PEPD: variants seen among roughly 807,000 people sequenced by gnomAD.
PEPD encodes the protein peptidase D, also known as xaa-Pro dipeptidase.
In PEPD, 53 loss-of-function variants were observed where a neutral mutation model predicts 60.7. The ratio of observed to expected loss-of-function variants is 0.87; its 90% CI spans 0.70 to 1.10. The LOEUF (loss-of-function observed/expected upper bound fraction) is 1.10. Ranked by LOEUF, PEPD falls within the 50% of genes least tolerant of loss-of-function variation. The pLI, the probability that PEPD is intolerant of heterozygous loss-of-function variation, is 0.00. For missense variants in PEPD, 711 were observed against 711.9 expected (o/e 1.00, Z 0.01); for synonymous variants, 267 against 284.1 (o/e 0.94, Z 0.60).
At chr19:33,513,826 G>A (rs1049503108) in intron 1 of PEPD, among the ~76,000 whole-genome samples, 2 of 97,772 alleles carry the variant, frequency 2.0e-5, no homozygotes, top group South Asian at 3.6e-4. Flanking sequence ...CCGCTGCGGC[G>A]CCCTGTGGGG....
At chr19:33,505,902 CCA>C (rs1297916267) in intron 3 of PEPD, among the ~76,000 whole-genome samples, 7 of 132,862 alleles carry the variant, frequency 5.3e-5, no homozygotes, top group Non-Finnish European at 1.0e-4. Flanking sequence ...ACTTACACAC[CCA>C]CACATACCCT....
chr19:33,389,801 G>A (rs571932358), intron 13 of PEPD, among the ~76,000 whole-genome samples: 2 of 152,404 alleles, frequency 1.3e-5, no homozygotes, highest in East Asian at 1.9e-4. Context: ...CACAGGGCAA[G>A]GCCTGCCTCA....
intron 11 of PEPD, among the ~76,000 whole-genome samples, chr19:33,411,430 G>A (rs1378236938): frequency 1.3e-5 from 2 of 152,264 alleles, no homozygotes; most frequent in South Asian, 2.1e-4. Flanking sequence ...GGAAACCATC[G>A]GGGGCCCCTC....
At chr19:33,514,451 G>A (rs998007384) in intron 1 of PEPD, among the ~76,000 whole-genome samples, 2 of 151,854 alleles carry the variant, frequency 1.3e-5, no homozygotes, top group African/African-American at 2.4e-5. Context: ...GACCTTTTCC[G>A]GATGGTCTTC....
intron 7 of PEPD, among the ~76,000 whole-genome samples, chr19:33,474,070 G>A (rs954916050): frequency 2.0e-5 from 3 of 152,220 alleles, no homozygotes; most frequent in Admixed American, 6.5e-5. Flanking sequence ...AAGCTGGGGT[G>A]CATGTGGGTG....
rs528634868 is a variant in PEPD, at chr19:33,468,802, G to A, written c.549-4740C>T. On this transcript the variant is annotated intron_variant, in intron 7 of 14. Coordinates refer to ENST00000244137, the MANE Select transcript of PEPD (RefSeq NM_000285.4). The stretch of plus-strand genomic sequence containing the variant: ...TCGAATGAACGCCCTTTCTCTCGGC[G>A]GAGGCAGCCCTAAAGCCTGACAGCA... 5.9e-5 allele frequency among the ~76,000 whole-genome samples: 9 copies of A among 152,312 alleles called. No individual in the cohort carries two copies. The South Asian group carries it at 1.7e-3, about 28-fold the overall frequency.
rs189301323 is a variant in PEPD at position 33,407,501 on chromosome 19, G to C, written c.818+4171C>G. Among the ~76,000 whole-genome samples, 214 of 152,324 alleles carry C rather than the reference G, an allele frequency of 1.4e-3. 2 individuals are homozygous for C. Among genetic ancestry groups the C allele is most frequent in the African/African-American group, 2.1e-3 (89 of 41,578 alleles). On this transcript the variant is annotated intron_variant, in intron 11 of 14. Transcript: ENST00000244137. ...CCTCTGTGCTCACACAAACCTGTTC[G>C]GGGCTGGAGTGAGTGGGGAGGGGTC...
At chr19:33,477,283 C>G (rs901410508) in intron 7 of PEPD, 3 of 152,986 alleles carry the variant, frequency 2.0e-5, no homozygotes, top group Non-Finnish European at 4.4e-5. Flanking sequence ...TAAGACGAGG[C>G]GAGTCAGAGC....
chr19:33,399,454 G>A (rs577799074), intron 12 of PEPD, among the ~76,000 whole-genome samples: 83 of 152,324 alleles, frequency 5.4e-4, no homozygotes, highest in African/African-American at 1.9e-3. Context: ...GCACTCATGC[G>A]TTTGTCAAGC....
intron 4 of PEPD, among the ~76,000 whole-genome samples, chr19:33,495,092 C>T (rs928620232): frequency 6.1e-5 from 9 of 148,520 alleles, no homozygotes; most frequent in Non-Finnish European, 8.9e-5. Context: ...GCCAAGACTG[C>T]GCCACTGCAC....
chr19:33,508,617 C>G (rs951162185), intron 3 of PEPD, among the ~76,000 whole-genome samples: 1 of 152,188 alleles, frequency 6.6e-6, no homozygotes, highest in Non-Finnish European at 1.5e-5. Context: ...CGGCTGGGGT[C>G]CCCCTATGGG....
At position 33,504,230 on chromosome 19, in the gene PEPD, C is replaced by T. The variant is rs1367949412; in HGVS notation, c.330-3229G>A. Reference sequence around the variant, plus strand: ...CAGACTCCCACGTCAAACCAGCCACCGAAGGCTTGGCAGCCATGATTTGGT... The same window carrying T: ...CAGACTCCCACGTCAAACCAGCCACTGAAGGCTTGGCAGCCATGATTTGGT... On this transcript the variant is annotated intron_variant, in intron 3 of 14. Transcript: ENST00000244137. Among the ~76,000 whole-genome samples, 7 of 152,372 alleles carry T rather than the reference C, an allele frequency of 4.6e-5. No individual in the cohort carries two copies. The East Asian group carries it at 5.8e-4, about 13-fold the overall frequency.
intron 1 of PEPD, among the ~76,000 whole-genome samples, chr19:33,520,805 C>T (rs1282350861): frequency 1.3e-5 from 2 of 151,100 alleles, no homozygotes; most frequent in Non-Finnish European, 3.0e-5. Context: ...CACTGTACCA[C>T]CAGACCCACA....
At chr19:33,454,186 G>C (rs1164695889) in intron 9 of PEPD, among the ~76,000 whole-genome samples, 2 of 152,208 alleles carry the variant, frequency 1.3e-5, no homozygotes, top group African/African-American at 4.8e-5. Flanking sequence ...ATGACGGGGT[G>C]CATCAGAAAG....
chr19:33,409,143 C>G (rs745886298), intron 11 of PEPD, among the ~76,000 whole-genome samples: 13 of 152,238 alleles, frequency 8.5e-5, no homozygotes, highest in Non-Finnish European at 1.8e-4. Context: ...AGGACCCTCT[C>G]CGGGGCAGAT....
At chr19:33,407,793 G>A (rs923832286) in intron 11 of PEPD, among the ~76,000 whole-genome samples, 3 of 152,330 alleles carry the variant, frequency 2.0e-5, no homozygotes, top group Admixed American at 1.3e-4. Context: ...GAGGCTTGAC[G>A]GCTACAGGCC....
intron 6 of PEPD, among the ~76,000 whole-genome samples, chr19:33,489,466 T>C (rs1477080595): frequency 6.6e-6 from 1 of 152,050 alleles, no homozygotes; most frequent in Non-Finnish European, 1.5e-5. Flanking sequence ...CCATCTCTAC[T>C]GAAAATACAA....
rs187473094 is a variant in PEPD at position 33,477,422 on chromosome 19, C to T, written c.548+624G>A. The T allele has an allele frequency of 1.5e-4, 25 of 165,260 alleles. No individual in the cohort carries two copies. In the South Asian group the frequency reaches 3.2e-3, roughly 21 times the overall value. 10.2% of individuals were successfully genotyped at this position (165,260 alleles called of 1,614,324 possible). On this transcript the variant is annotated intron_variant, in intron 7 of 14. Coordinates refer to ENST00000244137, the MANE Select transcript of PEPD (RefSeq NM_000285.4). The stretch of plus-strand genomic sequence containing the variant: ...TTGCCTCTCTTCTACATTCTCAGTA[C>T]GTGCAGCCATCCATCAAAGAAAAAA...
Position 33,411,721 on chromosome 19 carries a change from C to G in PEPD, c.769G>C (p.Gly257Arg), listed in dbSNP as rs755947485. Residue 257 changes from glycine (G) to arginine (R), a missense_variant, in exon 11 of 15, where the codon GGA (glycine) becomes CGA (arginine). Gly to Arg is a moderately radical substitution (Grantham distance 125). Transcript: ENST00000244137. ...CGGTCGTTGGGAGCTCCGGCGTGTC[C>G]GTAGTGTAGCACGGCTGAGTTCTCA... Reference protein sequence around the residue: ...SGENSAVLHYGHAGAPNDRTI... With the variant: ...SGENSAVLHYRHAGAPNDRTI... 2 of 1,610,666 alleles carry G rather than the reference C, an allele frequency of 1.2e-6. No individual in the cohort carries two copies. Among genetic ancestry groups the G allele is most frequent in the African/African-American group, 2.7e-5 (2 of 74,846 alleles).
Sources: gnomAD v4.1 joint callset for allele counts (sites outside exome capture counted in the v4.1 genomes callset) on GRCh38, gnomAD v4.1.1 for gene constraint, MANE v1.5 for transcripts, NCBI Gene and HGNC (gene_info 2026-07-23, HGNC 2026-07-21) for gene names.